RNF6: variants seen among roughly 807,000 people sequenced by gnomAD.
RNF6 encodes ring finger protein 6.
Under a neutral mutation model 50.1 loss-of-function variants are expected in RNF6, and 21 were observed. The observed-to-expected ratio is 0.42, with a 90% CI of 0.30 to 0.60. RNF6 has a LOEUF of 0.60. Ranked by LOEUF, RNF6 falls within the 20% of genes least tolerant of loss-of-function variation. RNF6 has a pLI of 0.20. For missense variants in RNF6, 698 were observed against 838.2 expected, an observed-to-expected ratio of 0.83 and a Z score of 2.07; for synonymous variants, 255 against 291.8, an observed-to-expected ratio of 0.87 and a Z score of 1.29.
intron 5 of RNF6, among the ~76,000 whole-genome samples, chr13:26,133,475 T>C (rs1307358882): frequency 6.6e-6 from 1 of 152,238 alleles, no homozygotes; most frequent in Non-Finnish European, 1.5e-5. Context: ...TGTTTGGTTA[T>C]GTTCCCAAAG....
intron 5 of RNF6, among the ~76,000 whole-genome samples, chr13:26,133,180 T>G (rs1207744706): frequency 6.6e-6 from 1 of 152,166 alleles, no homozygotes; most frequent in East Asian, 1.9e-4. Flanking sequence ...GACCTCTAGA[T>G]TGATGGGTTT....
intron 5 of RNF6, among the ~76,000 whole-genome samples, chr13:26,173,695 A>G (rs752205642): frequency 0.072 from 10,849 of 151,304 alleles, 452 homozygotes; most frequent in Middle Eastern, 0.12. Context: ...TTTCTTTGGA[A>G]AAAAAAAAAG....
intron 5 of RNF6, among the ~76,000 whole-genome samples, chr13:26,145,967 T>A (rs1338523169): frequency 6.6e-6 from 1 of 152,156 alleles, no homozygotes. Flanking sequence ...CTGGGCCAAC[T>A]GTGAGACAGA....
downstream of RNF6, among the ~76,000 whole-genome samples, chr13:26,211,152 G>A (rs1016308135): frequency 6.6e-6 from 1 of 152,180 alleles, no homozygotes; most frequent in Non-Finnish European, 1.5e-5. Flanking sequence ...ATTGGGAAAT[G>A]AATGAAAATA....
intron 5 of RNF6, among the ~76,000 whole-genome samples, chr13:26,140,463 G>A (rs1566404046): frequency 6.6e-6 from 1 of 152,080 alleles, no homozygotes. Context: ...CATGATAAAA[G>A]CATCAACAAA....
intron 5 of RNF6, among the ~76,000 whole-genome samples, chr13:26,149,378 G>A (rs1378426021): frequency 1.3e-5 from 2 of 152,142 alleles, no homozygotes; most frequent in Non-Finnish European, 2.9e-5. Context: ...ACGAGGTCAG[G>A]AGATTGAGAC....
intron 5 of RNF6, among the ~76,000 whole-genome samples, chr13:26,184,012 ATATATATTTTTTTTTTTT>A (rs1184275412): frequency 3.3e-4 from 10 of 30,608 alleles, no homozygotes; most frequent in Non-Finnish European, 5.1e-4. Flanking sequence ...ATATATATAT[ATATATATTTTTTTTTTTT>A]TTTTTTTTTT....
intron 5 of RNF6, among the ~76,000 whole-genome samples, chr13:26,142,831 T>C (rs530300661): frequency 6.6e-6 from 1 of 152,218 alleles, no homozygotes; most frequent in East Asian, 1.9e-4. Flanking sequence ...TCATGCAATA[T>C]AGACTCATCA....
intron 5 of RNF6, among the ~76,000 whole-genome samples, chr13:26,147,566 C>T (rs117701301): frequency 6.6e-6 from 1 of 152,004 alleles, no homozygotes; most frequent in African/African-American, 2.4e-5. Flanking sequence ...CAAAGAAGAC[C>T]CATCAAAATT....
In RNF6 at chr13:26,175,762, C is replaced by T. The variant is rs182464393; in HGVS notation, n.768+39712G>A. Reference sequence around the variant, plus strand: ...AGCTTCCTAGTGACCTCCTCCTACGCAAGTGTGCACTTCCAAGTCATAGCA... The same window carrying T: ...AGCTTCCTAGTGACCTCCTCCTACGTAAGTGTGCACTTCCAAGTCATAGCA... On this transcript the variant is annotated intron_variant and non_coding_transcript_variant, in intron 5 of 5. Coordinates refer to the RNF6 transcript ENST00000468480. 1.7e-3 allele frequency among the ~76,000 whole-genome samples: 258 copies of T among 152,286 alleles called. 1 individual carries two copies. Among genetic ancestry groups the T allele is most frequent in the Non-Finnish European group, 3.2e-3 (217 of 68,030 alleles).
intron 5 of RNF6, among the ~76,000 whole-genome samples, chr13:26,158,007 A>G (rs1366959088): frequency 1.3e-5 from 2 of 152,044 alleles, no homozygotes; most frequent in African/African-American, 4.8e-5. Flanking sequence ...AGAAGAAGTC[A>G]TTGGATGGAT....
intron 5 of RNF6, among the ~76,000 whole-genome samples, chr13:26,132,810 G>A (rs539063506): frequency 1.3e-5 from 2 of 152,200 alleles, no homozygotes. Context: ...GAGTAGCAAG[G>A]ATTTAGAACA....
chr13:26,133,035 A>G (rs890855507), intron 5 of RNF6, among the ~76,000 whole-genome samples: 10 of 152,324 alleles, frequency 6.6e-5, no homozygotes, highest in Admixed American at 2.0e-4. Flanking sequence ...ATTCCAATAA[A>G]ATAAGATGAT....
chr13:26,155,631 C>T (rs1180180825), intron 5 of RNF6, among the ~76,000 whole-genome samples: 1 of 152,218 alleles, frequency 6.6e-6, no homozygotes, highest in Non-Finnish European at 1.5e-5. Flanking sequence ...CCAGAGCCTG[C>T]ACCGCTGCTG....
intron 5 of RNF6, among the ~76,000 whole-genome samples, chr13:26,156,222 T>C (rs770547759): frequency 5.3e-5 from 8 of 152,162 alleles, no homozygotes; most frequent in Non-Finnish European, 1.2e-4. Flanking sequence ...GAGTTTTCAA[T>C]ATTAACACTG....
chr13:26,138,283 A>G (rs761822016), intron 5 of RNF6, among the ~76,000 whole-genome samples: 3 of 152,194 alleles, frequency 2.0e-5, no homozygotes, highest in Non-Finnish European at 4.4e-5. Flanking sequence ...GGGAATAGTT[A>G]TGACATTCCC....
intron 5 of RNF6, among the ~76,000 whole-genome samples, chr13:26,167,687 A>T (rs531206092): frequency 5.3e-5 from 8 of 152,212 alleles, no homozygotes; most frequent in Non-Finnish European, 1.2e-4. Flanking sequence ...TGACCCAGCG[A>T]TCCCATTACT....
intron 5 of RNF6, among the ~76,000 whole-genome samples, chr13:26,140,658 A>G (rs1424474843): frequency 6.6e-6 from 1 of 152,190 alleles, no homozygotes; most frequent in Non-Finnish European, 1.5e-5. Context: ...CAAAGAAATA[A>G]AAGGCATACA....
chr13:26,204,624 C>G (rs1188536092), intron 5 of RNF6, among the ~76,000 whole-genome samples: 2 of 151,978 alleles, frequency 1.3e-5, no homozygotes, highest in East Asian at 3.9e-4. Context: ...TCCTCGAGAG[C>G]CCAAAAAGGA....
Sources: allele counts gnomAD v4.1 joint callset (sites outside exome capture counted in the v4.1 genomes callset), GRCh38; gene constraint gnomAD v4.1.1; transcripts MANE v1.5; gene names NCBI Gene and HGNC (gene_info 2026-07-23, HGNC 2026-07-21).